Variants in UQCC6 observed in about 807,000 individuals in gnomAD.
UQCC6 encodes ubiquinol-cytochrome c reductase complex assembly factor 6, also known as protein BRAWNIN.
At chr12:103,956,999 G>A in the UQCC6 span, 3 of 493,656 alleles carry the variant, frequency 6.1e-6, no homozygotes, top group South Asian at 2.6e-5. Context: ...GCCTGCGTGC[G>A]GCATTAAAGG....
chr12:103,960,766 ACAT>A, the UQCC6 span, among the ~76,000 whole-genome samples: 1 of 152,210 alleles, frequency 6.6e-6, no homozygotes, highest in Non-Finnish European at 1.5e-5. Context: ...TAGCCTAATG[ACAT>A]CATAACTGTC....
the UQCC6 span, among the ~76,000 whole-genome samples, chr12:103,952,112 T>C: frequency 2.6e-5 from 4 of 152,336 alleles, no homozygotes; most frequent in East Asian, 7.7e-4. Context: ...GTTCTGCATC[T>C]ATCACCACAA....
chr12:103,963,295 C>T, the UQCC6 span, among the ~76,000 whole-genome samples: 5 of 152,256 alleles, frequency 3.3e-5, no homozygotes, highest in African/African-American at 2.4e-5. Context: ...AGGCCGTTCT[C>T]GAACTTCTGG....
At chr12:103,963,893 GT>G in the UQCC6 span, among the ~76,000 whole-genome samples, 187 of 144,616 alleles carry the variant, frequency 1.3e-3, 1 homozygote, top group African/African-American at 3.9e-3. Flanking sequence ...AAGACAAATT[GT>G]TTTTTTTTTT....
At chr12:103,964,367 C>G in the UQCC6 span, among the ~76,000 whole-genome samples, 1 of 152,060 alleles carries the variant, frequency 6.6e-6, no homozygotes, top group South Asian at 2.1e-4. Context: ...ATCCACCCGC[C>G]TCGGCCTCCC....
At chr12:103,959,715 AAAT>A in the UQCC6 span, among the ~76,000 whole-genome samples, 8 of 152,086 alleles carry the variant, frequency 5.3e-5, no homozygotes, top group African/African-American at 1.7e-4. Context: ...CCGTCTCAAA[AAAT>A]AATAATAATA....
the UQCC6 span, among the ~76,000 whole-genome samples, chr12:103,964,916 A>C: frequency 6.6e-6 from 1 of 152,244 alleles, no homozygotes; most frequent in Admixed American, 6.5e-5. Context: ...TTACTCACGA[A>C]AGCCTGGATC....
the UQCC6 span, among the ~76,000 whole-genome samples, chr12:103,962,053 T>A: frequency 6.6e-6 from 1 of 152,206 alleles, no homozygotes; most frequent in Non-Finnish European, 1.5e-5. Flanking sequence ...TGTAACATTG[T>A]CACAATGAAA....
At chr12:103,959,431 G>A in the UQCC6 span, among the ~76,000 whole-genome samples, 1 of 152,166 alleles carries the variant, frequency 6.6e-6, no homozygotes, top group East Asian at 1.9e-4. Context: ...GAAATTGCCA[G>A]GCCGGGTGCA....
the UQCC6 span, chr12:103,951,408 A>G: frequency 1.8e-6 from 1 of 553,648 alleles, no homozygotes. Flanking sequence ...ACATCCACTG[A>G]GCACCTCCTC....
At chr12:103,959,977 G>A in the UQCC6 span, among the ~76,000 whole-genome samples, 20,874 of 151,432 alleles carry the variant, frequency 0.14, 1,584 homozygotes, top group Admixed American at 0.2. Context: ...GTTTCACCAT[G>A]TTGTCCAGGC....
At chr12:103,951,849 C>A in the UQCC6 span, among the ~76,000 whole-genome samples, 1 of 152,126 alleles carries the variant, frequency 6.6e-6, no homozygotes, top group African/African-American at 2.4e-5. Context: ...TTCAGCATTA[C>A]GTACTGCAGG....
the UQCC6 span, among the ~76,000 whole-genome samples, chr12:103,954,128 T>G: frequency 6.6e-6 from 1 of 152,270 alleles, no homozygotes; most frequent in African/African-American, 2.4e-5. Flanking sequence ...TATGAAATAC[T>G]ATGCAATAGT....
chr12:103,964,510 AACCCACAGTGAGAGAAG>A, the UQCC6 span, among the ~76,000 whole-genome samples: 2 of 152,212 alleles, frequency 1.3e-5, no homozygotes, highest in Admixed American at 1.3e-4. Context: ...CCAGCACAGC[AACCCACAGTGAGAGAAG>A]CCCTTGCTGC....
chr12:103,954,762 G>A, the UQCC6 span: 2 of 550,624 alleles, frequency 3.6e-6, no homozygotes, highest in Non-Finnish European at 3.2e-6. Context: ...ACAGGAGAAA[G>A]GAGGTTATAA....
the UQCC6 span, among the ~76,000 whole-genome samples, chr12:103,959,710 T>C: frequency 6.6e-6 from 1 of 151,646 alleles, no homozygotes; most frequent in East Asian, 1.9e-4. Flanking sequence ...AGAGTCCGTC[T>C]CAAAAAATAA....
At chr12:103,956,251 C>G in the UQCC6 span, 1 of 176,714 alleles carries the variant, frequency 5.7e-6, no homozygotes, top group African/African-American at 2.4e-5. Flanking sequence ...GAGGACATGC[C>G]AAGGATAATG....
chr12:103,957,826 T>C, the UQCC6 span, among the ~76,000 whole-genome samples: 35 of 151,108 alleles, frequency 2.3e-4, no homozygotes, highest in East Asian at 6.0e-3. Flanking sequence ...GCGGATCACT[T>C]GAGGCCTGAA....
At chr12:103,963,096 CAG>C in the UQCC6 span, among the ~76,000 whole-genome samples, 1 of 135,104 alleles carries the variant, frequency 7.4e-6, no homozygotes, top group Non-Finnish European at 1.6e-5. Context: ...TTTTTTGAGA[CAG>C]GGAATCATTC....
Sources: gnomAD v4.1 joint callset for allele counts (sites outside exome capture counted in the v4.1 genomes callset) on GRCh38, gnomAD v4.1.1 for gene constraint, MANE v1.5 for transcripts, NCBI Gene and HGNC (gene_info 2026-07-23, HGNC 2026-07-21) for gene names.